TMEM245: variants seen among roughly 807,000 people sequenced by gnomAD.
TMEM245 encodes transmembrane protein 245, also known as protein CG-2.
A neutral mutation model predicts 101.2 loss-of-function variants in TMEM245; 69 were observed. The ratio of observed to expected loss-of-function variants is 0.68; its 90% CI spans 0.56 to 0.83. The LOEUF (loss-of-function observed/expected upper bound fraction) is 0.83. TMEM245 is among the 40% of genes least tolerant of loss of function. TMEM245 has a pLI of 0.00. For missense variants in TMEM245, 1,075 were observed against 1,092.8 expected, an observed-to-expected ratio of 0.98 and a Z score of 0.23; for synonymous variants, 537 against 449.8, an observed-to-expected ratio of 1.19 and a Z score of -2.45.
intron 9 of TMEM245, among the ~76,000 whole-genome samples, chr9:109,070,013 T>G (rs927523943): frequency 2.0e-5 from 3 of 152,200 alleles, no homozygotes; most frequent in African/African-American, 7.2e-5. Context: ...CTTTCCTTGG[T>G]TTTCCTCTTA....
At chr9:109,085,926 A>G in intron 7 of TMEM245, 71 bp downstream of exon 7, 4 of 1,508,496 alleles carry the variant, frequency 2.7e-6, no homozygotes, top group Non-Finnish European at 3.7e-6. Flanking sequence ...ACAGAAACAT[A>G]GAGTGAAAAA....
chr9:109,106,519 T>C lies in TMEM245; in HGVS notation c.788A>G (p.Lys263Arg), dbSNP rs1830428862. The C allele has an allele frequency of 6.2e-7, 1 of 1,608,792 alleles. No individual in the cohort carries two copies. Among genetic ancestry groups the C allele is most frequent in the African/African-American group, 1.3e-5 (1 of 74,906 alleles). ...GCCCTATTTCTTACCAGAAGACTCTTTTCCATTCTGTTTTTCATAGAGGGT... is the reference window on the plus strand; with the variant it reads ...GCCCTATTTCTTACCAGAAGACTCTCTTCCATTCTGTTTTTCATAGAGGGT... Reference protein sequence around the residue: ...VGTLYEKQNGKESSGAELPGQ... With the variant: ...VGTLYEKQNGRESSGAELPGQ... The change falls in exon 3 of 18, where the codon AAA (lysine) becomes AGA (arginine). Residue 263 changes from lysine (K) to arginine (R), a missense_variant. Coordinates refer to ENST00000374586, the MANE Select transcript of TMEM245 (RefSeq NM_032012.4).
chr9:109,117,120 T>G (rs1830744534), intron 1 of TMEM245, among the ~76,000 whole-genome samples: 1 of 152,128 alleles, frequency 6.6e-6, no homozygotes, highest in South Asian at 2.1e-4. Context: ...TTTTTTGGTT[T>G]TTTTTTGAGA....
chr9:109,060,501 A>G (rs778936895), intron 10 of TMEM245, 49 bp from the exon 11 acceptor site: 2 of 1,324,266 alleles, frequency 1.5e-6, no homozygotes, highest in East Asian at 4.6e-5. Context: ...AGGCAACAAC[A>G]GAGTAAAATT....
chr9:109,086,674 T>C (rs1386768821), intron 6 of TMEM245, among the ~76,000 whole-genome samples: 4 of 152,214 alleles, frequency 2.6e-5, no homozygotes, highest in African/African-American at 9.6e-5. Context: ...TCATAGTCCA[T>C]GCTCTTTAAC....
rs1449757067 is a variant in TMEM245 at position 109,015,659 on chromosome 9, A to G, written c.*4801T>C. 6.6e-6 allele frequency: 1 copy of G among 152,646 alleles called. No individual in the cohort carries two copies. Among genetic ancestry groups the G allele is most frequent in the Non-Finnish European group, 1.5e-5 (1 of 68,046 alleles). 9.5% of individuals were successfully genotyped at this position (152,646 alleles called of 1,614,324 possible). ...TGGACTTGGAGTCAGAAGTTCTGCAACTAAATTCTGGCTCCATCATTTTGT... is the reference window on the plus strand; with the variant it reads ...TGGACTTGGAGTCAGAAGTTCTGCAGCTAAATTCTGGCTCCATCATTTTGT... On this transcript the variant is annotated 3_prime_UTR_variant, in exon 18 of 18. Coordinates refer to ENST00000374586, the MANE Select transcript of TMEM245 (RefSeq NM_032012.4).
At chr9:109,058,563 C>A (rs1343701674) in intron 11 of TMEM245, among the ~76,000 whole-genome samples, 1 of 152,096 alleles carries the variant, frequency 6.6e-6, no homozygotes, top group African/African-American at 2.4e-5. Context: ...GAGATCCTAT[C>A]TTTATAAAAA....
intron 5 of TMEM245, 115 bp downstream of exon 5, chr9:109,090,807 A>G (rs970906661): frequency 1.1e-6 from 1 of 874,186 alleles, no homozygotes; most frequent in African/African-American, 1.7e-5. Context: ...CAAACATAAG[A>G]TTGTTTTACT....
chr9:109,092,795 T>G (rs928587293), intron 4 of TMEM245, among the ~76,000 whole-genome samples: 2 of 152,200 alleles, frequency 1.3e-5, no homozygotes, highest in African/African-American at 2.4e-5. Context: ...AGCATGACTC[T>G]ACAGCTGGTA....
intron 9 of TMEM245, among the ~76,000 whole-genome samples, chr9:109,072,462 C>T (rs1422053098): frequency 1.3e-5 from 2 of 152,214 alleles, no homozygotes; most frequent in African/African-American, 2.4e-5. Flanking sequence ...AGTGATTACA[C>T]TCAATAAACA....
chr9:109,028,604 T>C (rs1046227675), intron 17 of TMEM245, among the ~76,000 whole-genome samples: 1 of 152,040 alleles, frequency 6.6e-6, no homozygotes, highest in Non-Finnish European at 1.5e-5. Flanking sequence ...TTTACAGATA[T>C]AATGAATGTC....
intron 15 of TMEM245, among the ~76,000 whole-genome samples, chr9:109,036,933 T>C (rs1439632774): frequency 6.6e-6 from 1 of 152,206 alleles, no homozygotes; most frequent in East Asian, 1.9e-4. Flanking sequence ...GCCAGGTACA[T>C]GACCTTGGAA....
At chr9:109,108,660 G>A (rs768043706) in intron 1 of TMEM245, 90 bp from the exon 2 acceptor site, 1 of 900,488 alleles carries the variant, frequency 1.1e-6, no homozygotes. Flanking sequence ...TATACAGCAG[G>A]AATGCTCTGG....
chr9:109,029,877 G>A (rs1054833363), intron 17 of TMEM245, among the ~76,000 whole-genome samples: 1 of 152,028 alleles, frequency 6.6e-6, no homozygotes, highest in African/African-American at 2.4e-5. Flanking sequence ...GCTTGAGATG[G>A]GATTAGTTAT....
chr9:109,053,151 T>G (rs1253435380), intron 12 of TMEM245, among the ~76,000 whole-genome samples: 1 of 151,936 alleles, frequency 6.6e-6, no homozygotes, highest in Non-Finnish European at 1.5e-5. Flanking sequence ...TCAGGCTGGG[T>G]GCGGTGGCTC....
chr9:109,095,413 T>A (rs116153157), intron 3 of TMEM245, among the ~76,000 whole-genome samples: 1 of 152,316 alleles, frequency 6.6e-6, no homozygotes, highest in African/African-American at 2.4e-5. Context: ...GGGTATCTTG[T>A]GACATCCTAA....
intron 12 of TMEM245, among the ~76,000 whole-genome samples, chr9:109,056,440 CAA>C (rs753175633): frequency 1.0e-3 from 38 of 36,758 alleles, no homozygotes; most frequent in African/African-American, 1.3e-3. Context: ...ACTAAAAATG[CAA>C]AAAAAAAAAA....
chr9:109,111,309 G>A (rs1830560681), intron 1 of TMEM245, among the ~76,000 whole-genome samples: 1 of 152,108 alleles, frequency 6.6e-6, no homozygotes, highest in Admixed American at 6.5e-5. Flanking sequence ...TTGAGCAAAC[G>A]TTGAACAGAG....
chr9:109,085,750 A>G (rs1829811878), intron 7 of TMEM245, among the ~76,000 whole-genome samples: 1 of 152,250 alleles, frequency 6.6e-6, no homozygotes, highest in African/African-American at 2.4e-5. Context: ...CAAAAGGACT[A>G]TGAGACAGAA....
Sources: allele counts gnomAD v4.1 joint callset (sites outside exome capture counted in the v4.1 genomes callset), GRCh38; gene constraint gnomAD v4.1.1; transcripts MANE v1.5; gene names NCBI Gene and HGNC (gene_info 2026-07-23, HGNC 2026-07-21).